Variants in UMAD1 observed in about 807,000 individuals in gnomAD.
UMAD1 encodes the protein UBAP1-MVB12-associated (UMA) domain containing 1.
UMAD1 carries 8 observed loss-of-function variants against 6.1 expected under a neutral mutation model. That is an observed-to-expected ratio of 1.30 (90% CI 0.76 to 2.35). The LOEUF is 2.35. UMAD1 is among the 30% of genes most tolerant of loss of function. The pLI is 0.00. For synonymous variants in UMAD1, 56 were observed against 31.4 expected (o/e 1.78, Z -2.61); for missense variants, 130 against 78.4 (o/e 1.66, Z -2.49).
intron 2 of UMAD1, among the ~76,000 whole-genome samples, chr7:7,741,623 T>TA (rs889959055): frequency 2.0e-5 from 3 of 146,904 alleles, no homozygotes; most frequent in Non-Finnish European, 4.5e-5. Flanking sequence ...ATAAAAATAA[T>TA]AAAAAAACAC....
chr7:7,719,922 C>T (rs1781009909), intron 2 of UMAD1, among the ~76,000 whole-genome samples: 1 of 152,108 alleles, frequency 6.6e-6, no homozygotes, highest in Non-Finnish European at 1.5e-5. Context: ...AGAGAAGTAC[C>T]TCCCTGGGTC....
At chr7:7,778,990 T>G (rs1270191294) in intron 2 of UMAD1, among the ~76,000 whole-genome samples, 1 of 152,228 alleles carries the variant, frequency 6.6e-6, no homozygotes, top group African/African-American at 2.4e-5. Flanking sequence ...TCTATTATTA[T>G]CTTCATCATT....
chr7:7,695,532 A>T (rs1371740776), intron 2 of UMAD1, among the ~76,000 whole-genome samples: 1 of 152,128 alleles, frequency 6.6e-6, no homozygotes, highest in Non-Finnish European at 1.5e-5. Context: ...AACTTCCTAA[A>T]TGTTTAGTCT....
intron 2 of UMAD1, among the ~76,000 whole-genome samples, chr7:7,776,813 A>G (rs1422723445): frequency 1.3e-5 from 2 of 152,228 alleles, no homozygotes; most frequent in African/African-American, 4.8e-5. Flanking sequence ...TTTTGACTAG[A>G]TAATACATAT....
chr7:7,668,343 A>G (rs991428065), intron 1 of UMAD1, among the ~76,000 whole-genome samples: 1 of 152,168 alleles, frequency 6.6e-6, no homozygotes, highest in African/African-American at 2.4e-5. Flanking sequence ...TTACTGTTTC[A>G]GTTACTTATG....
At chr7:7,792,792 C>T (rs898733728) in intron 2 of UMAD1, among the ~76,000 whole-genome samples, 6 of 152,138 alleles carry the variant, frequency 3.9e-5, no homozygotes, top group Non-Finnish European at 7.4e-5. Flanking sequence ...TTGAGAAGTC[C>T]AAGATCAAGA....
intron 2 of UMAD1, among the ~76,000 whole-genome samples, chr7:7,750,684 T>G (rs899233545): frequency 1.3e-5 from 2 of 152,220 alleles, no homozygotes; most frequent in African/African-American, 4.8e-5. Context: ...GGCATTATTT[T>G]ATCCCCATTT....
intron 2 of UMAD1, among the ~76,000 whole-genome samples, chr7:7,760,536 T>C (rs1781868205): frequency 6.6e-6 from 1 of 151,994 alleles, no homozygotes; most frequent in Non-Finnish European, 1.5e-5. Context: ...GATTTTTCTT[T>C]AGATGCTTGC....
intron 2 of UMAD1, among the ~76,000 whole-genome samples, chr7:7,686,906 C>T (rs1024242028): frequency 3.3e-5 from 5 of 152,200 alleles, no homozygotes; most frequent in African/African-American, 9.7e-5. Flanking sequence ...CCCCCACTTC[C>T]CTTATCCTGG....
intron 2 of UMAD1, among the ~76,000 whole-genome samples, chr7:7,738,200 G>A (rs1196835626): frequency 2.6e-5 from 4 of 152,112 alleles, no homozygotes; most frequent in Non-Finnish European, 5.9e-5. Context: ...ACTAGTGTAG[G>A]CATTGGAAGA....
intron 2 of UMAD1, among the ~76,000 whole-genome samples, chr7:7,766,452 A>T (rs1483126839): frequency 6.6e-6 from 1 of 152,228 alleles, no homozygotes; most frequent in Non-Finnish European, 1.5e-5. Flanking sequence ...ACCAGCTGCA[A>T]GTCCAGAAAA....
chr7:7,777,264 T>C (rs1782228739), intron 2 of UMAD1, among the ~76,000 whole-genome samples: 1 of 151,720 alleles, frequency 6.6e-6, no homozygotes, highest in South Asian at 2.1e-4. Context: ...CCCAGTACTT[T>C]GGGTGGCTGA....
chr7:7,868,680 G>A (rs1042654120), intron 3 of UMAD1: 2 of 152,078 alleles, frequency 1.3e-5, no homozygotes, highest in Admixed American at 1.3e-4. Flanking sequence ...TAGCCTCTTA[G>A]TTTGCTACTG....
chr7:7,768,516 C>G (rs184711910), intron 2 of UMAD1, among the ~76,000 whole-genome samples: 1 of 152,142 alleles, frequency 6.6e-6, no homozygotes, highest in African/African-American at 2.4e-5. Flanking sequence ...CTATGCATTT[C>G]TGCTCATCCT....
chr7:7,767,650 A>G (rs6965595), intron 2 of UMAD1, among the ~76,000 whole-genome samples: 8,246 of 152,270 alleles, frequency 0.054, 465 homozygotes, highest in African/African-American at 0.14. Flanking sequence ...ACCACTCACA[A>G]CAGTAACAGT....
chr7:7,819,759 C>T (rs1783206111), intron 3 of UMAD1, among the ~76,000 whole-genome samples: 1 of 152,128 alleles, frequency 6.6e-6, no homozygotes, highest in Non-Finnish European at 1.5e-5. Flanking sequence ...TAACTAAAAC[C>T]TGTTCAGTTT....
chr7:7,772,044 T>C (rs1213356277), intron 2 of UMAD1, among the ~76,000 whole-genome samples: 1 of 152,046 alleles, frequency 6.6e-6, no homozygotes, highest in African/African-American at 2.4e-5. Context: ...GTGTGTTTGA[T>C]TAAAAAAAAA....
chr7:7,688,627 T>G (rs1780095481), intron 2 of UMAD1, among the ~76,000 whole-genome samples: 1 of 152,178 alleles, frequency 6.6e-6, no homozygotes, highest in African/African-American at 2.4e-5. Context: ...GTTGTAAATC[T>G]TCTATCATTT....
At chr7:7,720,094 A>T (rs972587935) in intron 2 of UMAD1, among the ~76,000 whole-genome samples, 1 of 152,236 alleles carries the variant, frequency 6.6e-6, no homozygotes, top group Non-Finnish European at 1.5e-5. Context: ...GAAAAGTGCT[A>T]CAGAACCTAA....
Sources: gnomAD v4.1 joint callset for allele counts (sites outside exome capture counted in the v4.1 genomes callset) on GRCh38, gnomAD v4.1.1 for gene constraint, MANE v1.5 for transcripts, NCBI Gene and HGNC (gene_info 2026-07-23, HGNC 2026-07-21) for gene names.